The following UBE2H variants were observed in gnomAD, a reference collection of about 807,000 sequenced individuals.
UBE2H encodes ubiquitin conjugating enzyme E2 H, also known as ubiquitin-conjugating enzyme E2 H.
In UBE2H, 3 loss-of-function variants were observed where a neutral mutation model predicts 29.0. The observed-to-expected ratio is 0.10, with a 90% CI of 0.05 to 0.27. The LOEUF (loss-of-function observed/expected upper bound fraction) is 0.27. Among genes scored for constraint, UBE2H ranks in the 10% least tolerant of loss-of-function variants. The probability of loss-of-function intolerance (pLI) is 1.00; values close to 1 mark genes in which losing one functional copy is unlikely to be tolerated. For synonymous variants in UBE2H, 69 were observed against 82.9 expected (o/e 0.83, Z 0.91); for missense variants, 68 against 228.2 (o/e 0.30, Z 4.52).
chr7:129,852,596 T>C (rs539148481), intron 5 of UBE2H, among the ~76,000 whole-genome samples: 1 of 152,384 alleles, frequency 6.6e-6, no homozygotes, highest in Admixed American at 6.5e-5. Flanking sequence ...TTCCCAAATG[T>C]TGATTTTTCT....
intron 4 of UBE2H, 41 bp from the exon 5 acceptor site, chr7:129,857,604 A>G (rs753766176): frequency 1.3e-6 from 2 of 1,598,158 alleles, no homozygotes; most frequent in Non-Finnish European, 1.7e-6. Context: ...TAAAAATTAG[A>G]AAGTTAGTTG....
At chr7:129,844,420 TAA>T (rs780093811) in intron 5 of UBE2H, among the ~76,000 whole-genome samples, 69 of 152,174 alleles carry the variant, frequency 4.5e-4, no homozygotes, top group Non-Finnish European at 7.8e-4. Context: ...AAGAATAAAA[TAA>T]AGATACTCAT....
chr7:129,935,814 T>TTTCATCTG (rs1807516784), intron 1 of UBE2H, among the ~76,000 whole-genome samples: 1 of 152,196 alleles, frequency 6.6e-6, no homozygotes, highest in Admixed American at 6.5e-5. Flanking sequence ...TCCTCTCAAC[T>TTTCATCTG]TTCATCTGTT....
In UBE2H at chr7:129,838,929, G is replaced by A. The variant is rs545329587; in HGVS notation, c.427+278C>T. On this transcript the variant is annotated intron_variant, in intron 6 of 6. Coordinates refer to ENST00000355621, the MANE Select transcript of UBE2H (RefSeq NM_003344.4). ...TGGGATTACAGGCGTGAGCCACCACGGCCAGTCGCAAACTTATCTTCATTT... is the reference window on the plus strand; with the variant it reads ...TGGGATTACAGGCGTGAGCCACCACAGCCAGTCGCAAACTTATCTTCATTT... Among the ~76,000 whole-genome samples, 6 of 152,262 alleles carry A rather than the reference G, an allele frequency of 3.9e-5. No individual in the cohort carries two copies. In the East Asian group the frequency reaches 1.2e-3, roughly 29 times the overall value.
At chr7:129,853,997 T>C (rs554933802) in intron 5 of UBE2H, among the ~76,000 whole-genome samples, 9 of 152,114 alleles carry the variant, frequency 5.9e-5, no homozygotes, top group Non-Finnish European at 1.2e-4. Context: ...GCTTAGCCTT[T>C]TGCTTTTCAG....
chr7:129,893,844 A>T (rs1372899751), intron 1 of UBE2H, among the ~76,000 whole-genome samples: 1 of 152,126 alleles, frequency 6.6e-6, no homozygotes, highest in Non-Finnish European at 1.5e-5. Flanking sequence ...TACTCTCTTA[A>T]CTCCTAAAGG....
intron 1 of UBE2H, among the ~76,000 whole-genome samples, chr7:129,913,235 A>G (rs1287364598): frequency 2.0e-5 from 3 of 148,114 alleles, no homozygotes; most frequent in Non-Finnish European, 4.5e-5. Flanking sequence ...CTGGGCAGCA[A>G]GAGCGAAACT....
At chr7:129,859,851 GACCCCCATCCTCCATC>G (rs951250729) in intron 3 of UBE2H, among the ~76,000 whole-genome samples, 1 of 151,602 alleles carries the variant, frequency 6.6e-6, no homozygotes, top group African/African-American at 2.4e-5. Context: ...CACTATCTCC[GACCCCCATCCTCCATC>G]ACCCCCATCC....
At chr7:129,849,775 C>T (rs923799614) in intron 5 of UBE2H, among the ~76,000 whole-genome samples, 1 of 151,996 alleles carries the variant, frequency 6.6e-6, no homozygotes, top group African/African-American at 2.4e-5. Flanking sequence ...GGCTAACTAG[C>T]TGCAATTAAG....
At chr7:129,910,797 A>G (rs1446591346) in intron 1 of UBE2H, among the ~76,000 whole-genome samples, 1 of 151,930 alleles carries the variant, frequency 6.6e-6, no homozygotes, top group Non-Finnish European at 1.5e-5. Flanking sequence ...CAGGAGAATC[A>G]CTTGAACCCG....
At chr7:129,917,999 C>T (rs533064500) in intron 1 of UBE2H, among the ~76,000 whole-genome samples, 6 of 152,134 alleles carry the variant, frequency 3.9e-5, no homozygotes, top group Non-Finnish European at 8.8e-5. Context: ...TGGTTCACAT[C>T]TATTCTTTTA....
intron 5 of UBE2H, among the ~76,000 whole-genome samples, chr7:129,854,507 T>C (rs1805670965): frequency 6.6e-6 from 1 of 152,244 alleles, no homozygotes; most frequent in Non-Finnish European, 1.5e-5. Flanking sequence ...CAGTAACTCA[T>C]ACACATGTAA....
At chr7:129,868,835 C>T (rs944420133) in intron 3 of UBE2H, among the ~76,000 whole-genome samples, 1 of 152,090 alleles carries the variant, frequency 6.6e-6, no homozygotes, top group Non-Finnish European at 1.5e-5. Context: ...CTGAGAACTT[C>T]AGCACCTGGC....
At chr7:129,951,969 C>G (rs955982581) in intron 1 of UBE2H, among the ~76,000 whole-genome samples, 1 of 152,088 alleles carries the variant, frequency 6.6e-6, no homozygotes, top group African/African-American at 2.4e-5. Flanking sequence ...GAAGAGGGGG[C>G]CCTGAGCAGG....
intron 3 of UBE2H, among the ~76,000 whole-genome samples, chr7:129,874,091 C>G (rs1806097250): frequency 6.6e-6 from 1 of 151,980 alleles, no homozygotes. Context: ...CTAAAATATT[C>G]TATAGTTCTA....
intron 1 of UBE2H, among the ~76,000 whole-genome samples, chr7:129,945,360 C>T (rs1454977362): frequency 6.6e-6 from 1 of 152,210 alleles, no homozygotes; most frequent in African/African-American, 2.4e-5. Context: ...AACCTACCGA[C>T]TTGCAGTATG....
chr7:129,867,724 C>CAA (rs1473451530), intron 3 of UBE2H, among the ~76,000 whole-genome samples: 3,087 of 30,988 alleles, frequency 0.1, 229 homozygotes, highest in Non-Finnish European at 0.11. Context: ...AAAAGAAAAC[C>CAA]AAAAAAAAAA....
chr7:129,937,279 A>G (rs1807550434), intron 1 of UBE2H, among the ~76,000 whole-genome samples: 1 of 152,076 alleles, frequency 6.6e-6, no homozygotes, highest in Admixed American at 6.6e-5. Context: ...CAGTGAGCCG[A>G]GATCACACAA....
At chr7:129,931,424 C>CT (rs1435164276) in intron 1 of UBE2H, among the ~76,000 whole-genome samples, 1 of 151,684 alleles carries the variant, frequency 6.6e-6, no homozygotes, top group Admixed American at 6.6e-5. Flanking sequence ...CCTCAAAGAG[C>CT]TTTTCTATGT....
Sources: gnomAD v4.1 joint callset for allele counts (sites outside exome capture counted in the v4.1 genomes callset) on GRCh38, gnomAD v4.1.1 for gene constraint, MANE v1.5 for transcripts, NCBI Gene and HGNC (gene_info 2026-07-23, HGNC 2026-07-21) for gene names.